The following LDLRAP1 variants were observed in gnomAD, a reference collection of about 807,000 sequenced individuals.
LDLRAP1 encodes low density lipoprotein receptor adaptor protein 1, also known as low density lipoprotein receptor adapter protein 1.
In LDLRAP1, 30 loss-of-function variants were observed where a neutral mutation model predicts 37.8. The observed-to-expected ratio is 0.79, with a 90% confidence interval of 0.59 to 1.08. LDLRAP1 has a LOEUF of 1.08. Among genes scored for constraint, LDLRAP1 ranks in the 50% least tolerant of loss-of-function variants. The pLI, the probability that LDLRAP1 is intolerant of heterozygous loss-of-function variation, is 0.00. For missense variants in LDLRAP1, 375 were observed against 401.6 expected, an observed-to-expected ratio of 0.93 and a Z score of 0.57; for synonymous variants, 156 against 169.8, an observed-to-expected ratio of 0.92 and a Z score of 0.63.
the LDLRAP1 span, among the ~76,000 whole-genome samples, chr1:25,576,559 A>T: frequency 6.6e-6 from 1 of 152,156 alleles, no homozygotes; most frequent in Non-Finnish European, 1.5e-5. Context: ...AACAAAATAA[A>T]AACAAAAGTA....
the LDLRAP1 span, among the ~76,000 whole-genome samples, chr1:25,586,546 A>ATGTGTGTGTGTGTACGTGCG: frequency 1.3e-5 from 2 of 149,994 alleles, no homozygotes; most frequent in Non-Finnish European, 3.0e-5. The surrounding 1 kb of genome is among the most constrained non-coding windows in gnomAD (Gnocchi z 4.3). Flanking sequence ...GTATGTGTGC[A>ATGTGTGTGTGTGTACGTGCG]TGTGTGTGTG....
At chr1:25,582,539 C>T in the LDLRAP1 span, among the ~76,000 whole-genome samples, 4 of 150,284 alleles carry the variant, frequency 2.7e-5, no homozygotes, top group Admixed American at 6.6e-5. Flanking sequence ...GATCCGAGAT[C>T]GTGCCACTGC....
chr1:25,563,669 A>G lies in LDLRAP1; in HGVS notation c.625A>G (p.Thr209Ala). 6.2e-7 allele frequency: 1 copy of G among 1,613,668 alleles called. No individual in the cohort carries two copies. Among genetic ancestry groups the G allele is most frequent in the Non-Finnish European group, 8.5e-7 (1 of 1,180,008 alleles). The change falls in exon 7 of 9, where the codon ACT becomes GCT. Residue 209 changes from threonine to alanine, a missense_variant. Physicochemically the swap from Thr to Ala is moderately conservative, Grantham distance 58 (BLOSUM62 0). Coordinates refer to ENST00000374338, the MANE Select transcript of LDLRAP1 (RefSeq NM_015627.3). ...GACCGGATCCCTCACAGTGGTCGCC[A>G]CTGGGAACCTGCTGGACTTAGAGGA... ...CTPSLKSLVA[T>A]GNLLDLEETA...
At position 25,555,607 on chromosome 1, in the gene LDLRAP1, G is replaced by A. The variant is rs778556032; in HGVS notation, c.344+635G>A. ...TAGCTAAACTGGAACTAGGATATCC[G>A]GGCCAGAGCCCTGTCCAGCAGGCTC... On this transcript the variant is annotated intron_variant, in intron 3 of 8. Transcript: ENST00000374338. This position sits in a 1 kb window ranked among gnomAD's most constrained non-coding sequence, Gnocchi z 4.7. 6.6e-6 allele frequency among the ~76,000 whole-genome samples: 1 copy of A among 152,150 alleles called. No homozygotes were observed. The highest frequency in any genetic ancestry group is 6.5e-5 in the Admixed American group (1 of 15,274).
the LDLRAP1 span, among the ~76,000 whole-genome samples, chr1:25,580,191 C>T: frequency 1.3e-5 from 2 of 152,118 alleles, no homozygotes; most frequent in Admixed American, 6.5e-5. Flanking sequence ...TGGATGGAGT[C>T]GGTGTCATGC....
chr1:25,588,967 T>G, the LDLRAP1 span, among the ~76,000 whole-genome samples: 3 of 152,198 alleles, frequency 2.0e-5, no homozygotes, highest in African/African-American at 7.2e-5. Context: ...CCTCTTTCCA[T>G]GTCCACTTCT....
the LDLRAP1 span, among the ~76,000 whole-genome samples, chr1:25,583,742 C>T: frequency 3.9e-5 from 6 of 152,144 alleles, no homozygotes; most frequent in African/African-American, 1.4e-4. Context: ...TGTAGTTTCC[C>T]ATCCCTATCC....
At chr1:25,557,325 G>C in intron 4 of LDLRAP1, 58 bp downstream of exon 4, 1 of 1,365,388 alleles carries the variant, frequency 7.3e-7, no homozygotes, top group South Asian at 1.2e-5. Flanking sequence ...GCCTTGCTCT[G>C]GGTGGGGGGC....
intron 4 of LDLRAP1, among the ~76,000 whole-genome samples, chr1:25,558,294 A>G (rs564278960): frequency 5.9e-5 from 9 of 152,250 alleles, no homozygotes; most frequent in Admixed American, 1.3e-4. Flanking sequence ...AGGAGACAAG[A>G]TCCCCTTCCC....
chr1:25,550,771 A>C (rs1163418081), intron 1 of LDLRAP1, among the ~76,000 whole-genome samples: 4 of 152,182 alleles, frequency 2.6e-5, no homozygotes, highest in African/African-American at 9.7e-5. Context: ...GATGAGTGGC[A>C]ACCAGTCTGT....
intron 5 of LDLRAP1, 44 bp from the exon 6 acceptor site, chr1:25,563,026 T>C: frequency 6.4e-7 from 1 of 1,566,126 alleles, no homozygotes; most frequent in Non-Finnish European, 8.8e-7. Context: ...GGGGACAGAG[T>C]GCTGGGGTCT....
At chr1:25,558,750 A>C (rs1397689267) in intron 4 of LDLRAP1, among the ~76,000 whole-genome samples, 2 of 152,144 alleles carry the variant, frequency 1.3e-5, no homozygotes, top group African/African-American at 2.4e-5. Context: ...AATCTGGGAT[A>C]ATCTCCATCG....
chr1:25,569,789 G>A (rs549540581), downstream of LDLRAP1, among the ~76,000 whole-genome samples: 11 of 152,326 alleles, frequency 7.2e-5, no homozygotes, highest in East Asian at 1.9e-4. Flanking sequence ...ATTAGCTCCC[G>A]TTACTGCTGA....
the LDLRAP1 span, among the ~76,000 whole-genome samples, chr1:25,585,381 A>G: frequency 6.7e-6 from 1 of 150,238 alleles, no homozygotes; most frequent in African/African-American, 2.5e-5. Flanking sequence ...GCTGGAGTGC[A>G]GTGGCACGAC....
chr1:25,588,143 C>T, the LDLRAP1 span, among the ~76,000 whole-genome samples: 2 of 152,054 alleles, frequency 1.3e-5, no homozygotes, highest in Non-Finnish European at 2.9e-5. Flanking sequence ...ACAAACACTG[C>T]GGAAGGCCGC....
chr1:25,576,027 G>A, the LDLRAP1 span, among the ~76,000 whole-genome samples: 3 of 150,248 alleles, frequency 2.0e-5, no homozygotes, highest in Non-Finnish European at 4.4e-5. Context: ...TCAGGAGTTT[G>A]AGACCAGCCT....
chr1:25,570,243 G>A (rs539305483), downstream of LDLRAP1, among the ~76,000 whole-genome samples: 7 of 152,238 alleles, frequency 4.6e-5, no homozygotes, highest in Admixed American at 3.9e-4. Context: ...TTATCTTTCG[G>A]TTTAAATTTG....
intron 6 of LDLRAP1, 57 bp downstream of exon 6, chr1:25,563,210 C>A (rs2124691167): frequency 6.8e-7 from 1 of 1,481,160 alleles, no homozygotes; most frequent in Non-Finnish European, 9.4e-7. Flanking sequence ...GCGCTTCACC[C>A]AGGGGGGTCC....
chr1:25,562,772 G>A, intron 5 of LDLRAP1, 56 bp downstream of exon 5: 2 of 1,513,596 alleles, frequency 1.3e-6, no homozygotes, highest in Non-Finnish European at 1.8e-6. Context: ...ACACATAAAG[G>A]CCCTGGGGTC....
Sources: allele counts gnomAD v4.1 joint callset (sites outside exome capture counted in the v4.1 genomes callset), GRCh38; gene constraint gnomAD v4.1.1; non-coding constraint Gnocchi (gnomAD v3.1); transcripts MANE v1.5; gene names NCBI Gene and HGNC (gene_info 2026-07-23, HGNC 2026-07-21).